The following EXOC4 variants were observed in gnomAD, a reference collection of about 807,000 sequenced individuals.
EXOC4 encodes exocyst complex component 4, also known as SEC8-like 1.
Under a neutral mutation model 107.2 loss-of-function variants are expected in EXOC4, and 71 were observed. The ratio of observed to expected loss-of-function variants is 0.66; its 90% CI spans 0.55 to 0.81. The LOEUF (loss-of-function observed/expected upper bound fraction) is 0.81. Among genes scored for constraint, EXOC4 ranks in the 30% least tolerant of loss-of-function variants. The pLI is 0.00. For missense variants in EXOC4, 1,108 were observed against 1,189.6 expected, an observed-to-expected ratio of 0.93 and a Z score of 1.01; for synonymous variants, 456 against 441.2, an observed-to-expected ratio of 1.03 and a Z score of -0.42.
At chr7:133,633,732 GT>G (rs1802643163) in intron 10 of EXOC4, among the ~76,000 whole-genome samples, 2 of 152,070 alleles carry the variant, frequency 1.3e-5, no homozygotes, top group East Asian at 3.9e-4. Flanking sequence ...AATAAAATAA[GT>G]TCTAGAGGAA....
At chr7:133,965,233 A>G (rs773558641) in intron 14 of EXOC4, among the ~76,000 whole-genome samples, 3 of 152,036 alleles carry the variant, frequency 2.0e-5, no homozygotes, top group Admixed American at 1.3e-4. Flanking sequence ...ATATTAACCC[A>G]TTGTCAGATG....
chr7:133,831,294 G>A (rs907992977), intron 11 of EXOC4, among the ~76,000 whole-genome samples: 28 of 152,160 alleles, frequency 1.8e-4, no homozygotes, highest in Non-Finnish European at 1.8e-4. Context: ...TGCTGGTTAG[G>A]TATGTAGTAG....
At chr7:133,787,963 T>TTATATATTTA (rs1796616690) in intron 10 of EXOC4, among the ~76,000 whole-genome samples, 2 of 40,978 alleles carry the variant, frequency 4.9e-5, no homozygotes, top group Non-Finnish European at 9.0e-5. Flanking sequence ...ATTTATATAT[T>TTATATATTTA]TATATATATA....
chr7:133,931,608 A>T (rs1800177136), intron 13 of EXOC4, among the ~76,000 whole-genome samples: 1 of 152,226 alleles, frequency 6.6e-6, no homozygotes, highest in Admixed American at 6.5e-5. Context: ...AATTTTAAAG[A>T]ATTTCTTCTC....
intron 10 of EXOC4, among the ~76,000 whole-genome samples, chr7:133,781,914 C>CA (rs33989903): frequency 0.99 from 150,231 of 152,254 alleles, 74,161 homozygotes; most frequent in Middle Eastern, 1. Context: ...AGTGATAACA[C>CA]AAAAAAGTTT....
At chr7:133,411,286 G>A (rs1797349860) in intron 7 of EXOC4, among the ~76,000 whole-genome samples, 1 of 152,118 alleles carries the variant, frequency 6.6e-6, no homozygotes, top group South Asian at 2.1e-4. Flanking sequence ...TCTTACATCT[G>A]TAGACTCATT....
At chr7:133,875,833 C>T (rs1278305620) in intron 11 of EXOC4, among the ~76,000 whole-genome samples, 4 of 152,160 alleles carry the variant, frequency 2.6e-5, no homozygotes, top group Non-Finnish European at 5.9e-5. Flanking sequence ...TTCATGTCTA[C>T]CATGATACAC....
chr7:133,604,706 C>CCTTCTTT (rs1191856891), intron 9 of EXOC4, among the ~76,000 whole-genome samples: 1 of 87,536 alleles, frequency 1.1e-5, no homozygotes, highest in African/African-American at 4.4e-5. Flanking sequence ...TTCCTTCCTT[C>CCTTCTTT]TTTCTTTTTT....
At chr7:133,619,541 G>A (rs10239077) in intron 9 of EXOC4, among the ~76,000 whole-genome samples, 23,897 of 152,140 alleles carry the variant, frequency 0.16, 2,203 homozygotes, top group East Asian at 0.25. Context: ...CTGGCAAGCC[G>A]TCATCAGAGG....
chr7:134,037,065 G>T lies in EXOC4; in HGVS notation c.2688-27226G>T, dbSNP rs149271241. Among the ~76,000 whole-genome samples the T allele has an allele frequency of 3.0e-4, 46 of 152,214 alleles. No homozygotes were observed. The East Asian group carries it at 8.7e-3, about 29-fold the overall frequency. On this transcript the variant is annotated intron_variant, in intron 17 of 17. Transcript: ENST00000253861. Reference sequence around the variant, plus strand: ...TTAGTTTCCCAGTTTTTATATTTTTGATAGTAGCTTCATGTTATTGAAAAG... The same window carrying T: ...TTAGTTTCCCAGTTTTTATATTTTTTATAGTAGCTTCATGTTATTGAAAAG...
chr7:133,678,977 A>G (rs1183352612), intron 10 of EXOC4, among the ~76,000 whole-genome samples: 1 of 152,112 alleles, frequency 6.6e-6, no homozygotes, highest in Non-Finnish European at 1.5e-5. Flanking sequence ...ACTTCTTTCA[A>G]TTAAATACTT....
chr7:133,712,750 A>G (rs1032298491), intron 10 of EXOC4, among the ~76,000 whole-genome samples: 2 of 152,230 alleles, frequency 1.3e-5, no homozygotes, highest in Admixed American at 1.3e-4. Context: ...TGGTATATCC[A>G]TATAGTGGAG....
At chr7:133,593,471 A>G (rs541647961) in intron 9 of EXOC4, among the ~76,000 whole-genome samples, 1 of 152,308 alleles carries the variant, frequency 6.6e-6, no homozygotes, top group East Asian at 1.9e-4. Context: ...ACTAATGTGT[A>G]ATTATAACGT....
chr7:133,357,153 A>T (rs1426231394), intron 6 of EXOC4, among the ~76,000 whole-genome samples: 1 of 152,250 alleles, frequency 6.6e-6, no homozygotes, highest in Non-Finnish European at 1.5e-5. Context: ...AAACATTTAA[A>T]GAATAAATTG....
At chr7:133,750,476 G>T (rs921089963) in intron 10 of EXOC4, among the ~76,000 whole-genome samples, 1 of 152,140 alleles carries the variant, frequency 6.6e-6, no homozygotes, top group Admixed American at 6.5e-5. Flanking sequence ...CAGAATGCCT[G>T]TGGTGCTTCA....
intron 7 of EXOC4, chr7:133,396,031 AAT>A (rs1365391394): frequency 6.6e-6 from 1 of 152,130 alleles, no homozygotes; most frequent in Admixed American, 6.5e-5. Context: ...AATGATCTTT[AAT>A]AGAGTAGTGG....
intron 14 of EXOC4, among the ~76,000 whole-genome samples, chr7:133,978,657 T>C (rs1221819675): frequency 6.6e-6 from 1 of 152,220 alleles, no homozygotes; most frequent in African/African-American, 2.4e-5. Flanking sequence ...GCTGCTGCCT[T>C]TCAGGATAAT....
At chr7:133,768,841 T>C (rs1189824627) in intron 10 of EXOC4, among the ~76,000 whole-genome samples, 5 of 151,820 alleles carry the variant, frequency 3.3e-5, no homozygotes, top group Non-Finnish European at 7.4e-5. Context: ...GATGAGTAAG[T>C]AGATAATTAT....
At chr7:133,612,742 G>T (rs1484048817) in intron 9 of EXOC4, among the ~76,000 whole-genome samples, 1 of 152,122 alleles carries the variant, frequency 6.6e-6, no homozygotes, top group African/African-American at 2.4e-5. Flanking sequence ...GGTGGTGAGA[G>T]GTACTGGGAT....
Sources: allele counts gnomAD v4.1 joint callset (sites outside exome capture counted in the v4.1 genomes callset), GRCh38; gene constraint gnomAD v4.1.1; transcripts MANE v1.5; gene names NCBI Gene and HGNC (gene_info 2026-07-23, HGNC 2026-07-21).